Variants in SEMA5B observed in about 807,000 individuals in gnomAD.
SEMA5B encodes the protein semaphorin 5B.
A neutral mutation model predicts 135.0 loss-of-function variants in SEMA5B; 66 were observed. That is an observed-to-expected ratio of 0.49 (90% confidence interval 0.40 to 0.60). The LOEUF (loss-of-function observed/expected upper bound fraction) is 0.60, where lower values mean the gene tolerates loss of function less well. Ranked by LOEUF, SEMA5B falls within the 20% of genes least tolerant of loss-of-function variation. The pLI is 0.00. For synonymous variants in SEMA5B, 690 were observed against 639.5 expected, an observed-to-expected ratio of 1.08 and a Z score of -1.19; for missense variants, 1,501 against 1,566.3, an observed-to-expected ratio of 0.96 and a Z score of 0.70.
In SEMA5B at chr3:122,912,914, G is replaced by A. The variant is rs771459640; in HGVS notation, c.2654C>T (p.Pro885Leu). Residue 885 changes from proline to leucine, a missense_variant, in exon 18 of 23, where the codon CCC becomes CTC. Pro to Leu is a moderately conservative substitution (Grantham distance 98). Coordinates refer to ENST00000357599, the MANE Select transcript of SEMA5B (RefSeq NM_001031702.4). ...VRKRTCTNPE[P>L]RNGGLPCVGD... is the part of the protein sequence containing the mutation. ...CACGCAGGGCAGGCCCCCGTTGCGG[G>A]GCTCCGGGTTAGTGCACGTTCTCTT... 6.2e-7 allele frequency: 1 copy of A among 1,612,004 alleles called. No homozygotes were observed.
intron 1 of SEMA5B, among the ~76,000 whole-genome samples, chr3:123,014,362 C>T (rs1198032346): frequency 1.3e-5 from 2 of 152,202 alleles, no homozygotes; most frequent in Non-Finnish European, 2.9e-5. Flanking sequence ...AAGCGCATCT[C>T]CTCCACTGAC....
intron 1 of SEMA5B, among the ~76,000 whole-genome samples, chr3:122,991,664 G>A (rs138438670): frequency 2.0e-3 from 299 of 151,272 alleles, no homozygotes; most frequent in African/African-American, 6.9e-3. Flanking sequence ...TCTCAGATGA[G>A]TCAGAATCAT....
intron 9 of SEMA5B, among the ~76,000 whole-genome samples, chr3:122,925,539 G>A (rs1288290100): frequency 5.9e-5 from 9 of 151,978 alleles, no homozygotes; most frequent in Admixed American, 2.0e-4. Context: ...ATGGTGCCAC[G>A]TGCCTGTAGT....
Position 122,991,601 on chromosome 3 carries a change from C to T in SEMA5B, c.-38-30300G>A, listed in dbSNP as rs539282780. Among the ~76,000 whole-genome samples the T allele has an allele frequency of 5.3e-5, 8 of 152,258 alleles. No individual in the cohort carries two copies. The East Asian group carries it at 1.5e-3, about 29-fold the overall frequency. ...TGTGCTGCTGTTGAGAAACCTTGAC[C>T]TAAACACTGCTGCACCCTCCACGCC... On this transcript the variant is annotated intron_variant, in intron 1 of 22. Coordinates refer to ENST00000357599, the MANE Select transcript of SEMA5B (RefSeq NM_001031702.4).
intron 14 of SEMA5B, 135 bp from the exon 15 acceptor site, chr3:122,914,136 A>G (rs937813297): frequency 5.1e-6 from 5 of 978,612 alleles, no homozygotes; most frequent in Admixed American, 6.8e-5. Context: ...ATCTTCTCCT[A>G]AACAGGTCAT....
rs537526042 is a variant in SEMA5B at position 122,971,613 on chromosome 3, G to A, written c.-38-10312C>T. Among the ~76,000 whole-genome samples the A allele has an allele frequency of 1.4e-4, 22 of 152,370 alleles. 1 individual carries two copies. Among genetic ancestry groups the A allele is most frequent in the East Asian group, 1.3e-3 (7 of 5,186 alleles). On this transcript the variant is annotated intron_variant, in intron 1 of 22. Coordinates refer to ENST00000357599, the MANE Select transcript of SEMA5B (RefSeq NM_001031702.4). Reference sequence around the variant, plus strand: ...TTATTTACCTCTGGATCCTCAGCCCGTGTCTATTGAATGAATGAAAGTGAG... The same window carrying A: ...TTATTTACCTCTGGATCCTCAGCCCATGTCTATTGAATGAATGAAAGTGAG...
intron 8 of SEMA5B, among the ~76,000 whole-genome samples, chr3:122,927,255 T>C (rs76685335): frequency 0.12 from 18,430 of 152,212 alleles, 1,257 homozygotes; most frequent in Middle Eastern, 0.25. Flanking sequence ...GATGCGATCA[T>C]AGCTCACTGC....
intron 20 of SEMA5B, 149 bp from the exon 21 acceptor site, chr3:122,911,684 C>G (rs1937718291): frequency 2.0e-6 from 2 of 984,242 alleles, no homozygotes; most frequent in African/African-American, 3.3e-5. Context: ...CTCCCTCTCT[C>G]CTCAGACCCC....
chr3:122,928,447 G>T (rs1938761999), intron 7 of SEMA5B, 70 bp downstream of exon 7: 3 of 1,265,986 alleles, frequency 2.4e-6, no homozygotes, highest in South Asian at 1.5e-5. Flanking sequence ...CCCCTTCAAG[G>T]CTGTGTGCCT....
At chr3:122,953,961 C>T (rs897683574) in intron 2 of SEMA5B, among the ~76,000 whole-genome samples, 2 of 152,282 alleles carry the variant, frequency 1.3e-5, no homozygotes, top group Non-Finnish European at 2.9e-5. Context: ...GTCTCTCCCA[C>T]AGCAATGTGG....
At chr3:122,959,142 GACA>G (rs1300937293) in intron 2 of SEMA5B, among the ~76,000 whole-genome samples, 1 of 152,162 alleles carries the variant, frequency 6.6e-6, no homozygotes, top group Non-Finnish European at 1.5e-5. Context: ...AAGTAACAGT[GACA>G]ACAACAATAA....
At chr3:122,971,155 A>G (rs72970591) in intron 1 of SEMA5B, among the ~76,000 whole-genome samples, 1,904 of 152,330 alleles carry the variant, frequency 0.012, 40 homozygotes, top group African/African-American at 0.044. Context: ...ACTCCTGAAC[A>G]AACCACCTTA....
At chr3:122,917,882 A>G (rs1035910635) in intron 12 of SEMA5B, among the ~76,000 whole-genome samples, 16 of 146,950 alleles carry the variant, frequency 1.1e-4, no homozygotes, top group Non-Finnish European at 2.2e-4. Context: ...CAAACTGGAC[A>G]TCGTGGGACT....
intron 1 of SEMA5B, among the ~76,000 whole-genome samples, chr3:122,986,715 A>G (rs1259131246): frequency 1.3e-5 from 2 of 152,154 alleles, no homozygotes; most frequent in African/African-American, 4.8e-5. Flanking sequence ...ACACACACAC[A>G]TACAAACATG....
In SEMA5B at chr3:122,913,228, G is replaced by A; in HGVS notation, c.2477C>T (p.Ala826Val). The change falls in exon 17 of 23, where the codon GCG becomes GTG. Residue 826 changes from alanine to valine, a missense_variant. Coordinates refer to ENST00000357599, the MANE Select transcript of SEMA5B (RefSeq NM_001031702.4). ...RRRTETRTCP[A>V]DGSGSCDTDA... ...GGTGTCGCAGGAGCCGGAGCCGTCC[G>A]CGGGACAGGTCCTCGTCTCGGTCCT... 6.3e-7 allele frequency: 1 copy of A among 1,579,940 alleles called. No individual in the cohort carries two copies. The highest frequency in any genetic ancestry group is 1.7e-4 in the Middle Eastern group (1 of 5,896).
intron 14 of SEMA5B, among the ~76,000 whole-genome samples, 188 bp downstream of exon 14, chr3:122,915,252 A>G (rs1191625355): frequency 6.6e-6 from 1 of 152,192 alleles, no homozygotes; most frequent in Non-Finnish European, 1.5e-5. Context: ...CTTCTCTCTC[A>G]CTAGCGTGGA....
chr3:122,910,240 G>T lies in SEMA5B; in HGVS notation c.3359C>A (p.Thr1120Asn). The part of the protein sequence containing the change: ...DRANFYPLQQ[T>N]NVYTTTYYPS... ...GTAGTAAGTAGTCGTGTACACATTG[G>T]TCTGCTGCAATGGGTAGAAGTTGGC... The change falls in exon 23 of 23, where the codon ACC (threonine) becomes AAC (asparagine). Residue 1120 changes from threonine (T) to asparagine (N), a missense_variant. Physicochemically the swap from Thr to Asn is moderately conservative, Grantham distance 65. Coordinates refer to ENST00000357599, the MANE Select transcript of SEMA5B (RefSeq NM_001031702.4). The T allele has an allele frequency of 6.2e-7, 1 of 1,614,148 alleles. No homozygotes were observed. The highest frequency in any genetic ancestry group is 1.1e-5 in the South Asian group (1 of 91,086).
chr3:122,952,931 C>A (rs1391840848), intron 2 of SEMA5B, among the ~76,000 whole-genome samples: 2 of 152,160 alleles, frequency 1.3e-5, no homozygotes, highest in African/African-American at 4.8e-5. Context: ...GGTGCCGCCT[C>A]CTTGCTTACC....
At chr3:123,015,654 C>T (rs1029122488) in intron 1 of SEMA5B, among the ~76,000 whole-genome samples, 1 of 152,138 alleles carries the variant, frequency 6.6e-6, no homozygotes, top group African/African-American at 2.4e-5. Flanking sequence ...AGATGGAACC[C>T]ACAGGGAGAG....
Sources: allele counts gnomAD v4.1 joint callset (sites outside exome capture counted in the v4.1 genomes callset), GRCh38; gene constraint gnomAD v4.1.1; transcripts MANE v1.5; gene names NCBI Gene and HGNC (gene_info 2026-07-23, HGNC 2026-07-21).